LRP1B: variants seen among roughly 807,000 people sequenced by gnomAD.
The protein encoded by LRP1B is low-density lipoprotein receptor-related protein 1B.
LRP1B carries 217 observed loss-of-function variants against 556.6 expected under a neutral mutation model. The observed-to-expected ratio is 0.39, with a 90% CI of 0.35 to 0.44. The LOEUF is 0.44. Among genes scored for constraint, LRP1B ranks in the 20% least tolerant of loss-of-function variants. The pLI is 1.00. For synonymous variants in LRP1B, 2,047 were observed against 1,865.8 expected (o/e 1.10, Z -2.50); for missense variants, 5,053 against 5,620.8 (o/e 0.90, Z 3.23).
At chr2:141,114,984 C>T (rs1922696) in intron 7 of LRP1B, among the ~76,000 whole-genome samples, 137,230 of 152,116 alleles carry the variant, frequency 0.9, 62,255 homozygotes, top group East Asian at 0.99. Flanking sequence ...CTTGTAGTAA[C>T]GTACACTCCT....
chr2:140,252,399 TATCTAAC>T (rs1196918241), intron 86 of LRP1B, among the ~76,000 whole-genome samples: 10 of 151,960 alleles, frequency 6.6e-5, no homozygotes, highest in Non-Finnish European at 1.5e-4. Context: ...AATGTACTCA[TATCTAAC>T]TTCTATAAGA....
At chr2:142,023,506 G>A (rs1323846316) in intron 1 of LRP1B, among the ~76,000 whole-genome samples, 1 of 152,104 alleles carries the variant, frequency 6.6e-6, no homozygotes, top group Non-Finnish European at 1.5e-5. Context: ...GCAAAACACG[G>A]TAAATGTGTT....
chr2:141,463,922 G>T (rs1008783555), intron 3 of LRP1B, among the ~76,000 whole-genome samples: 4 of 148,232 alleles, frequency 2.7e-5, no homozygotes, highest in African/African-American at 1.0e-4. Context: ...GATTTTGGGG[G>T]GCCATAAAAT....
intron 2 of LRP1B, among the ~76,000 whole-genome samples, chr2:141,711,197 C>A (rs1692342181): frequency 6.6e-6 from 1 of 152,098 alleles, no homozygotes; most frequent in Admixed American, 6.6e-5. Flanking sequence ...TATGGGTGGT[C>A]CCTGGTACCA....
chr2:141,985,775 G>A (rs1702170407), intron 1 of LRP1B, among the ~76,000 whole-genome samples: 1 of 151,792 alleles, frequency 6.6e-6, no homozygotes. Context: ...AAGCAATTAA[G>A]CTTCAGTTTG....
chr2:140,475,725 A>G (rs1687949033), intron 59 of LRP1B, among the ~76,000 whole-genome samples: 1 of 151,782 alleles, frequency 6.6e-6, no homozygotes, highest in Non-Finnish European at 1.5e-5. Flanking sequence ...ATCTATGAAA[A>G]ATTCAAAAGG....
At chr2:141,909,524 ACATTTTTTTTTTTTTTTTT>A (rs1180271102) in intron 1 of LRP1B, among the ~76,000 whole-genome samples, 3 of 104,486 alleles carry the variant, frequency 2.9e-5, no homozygotes, top group African/African-American at 3.5e-5. Context: ...AAGGTCTCAG[ACATTTTTTTTTTTTTTTTT>A]TTTTTTTTTT....
intron 83 of LRP1B, 90 bp from the exon 84 acceptor site, chr2:140,298,059 C>T (rs1683678218): frequency 2.4e-6 from 3 of 1,261,202 alleles, no homozygotes; most frequent in Non-Finnish European, 3.3e-6. Flanking sequence ...GTTGAGAAGC[C>T]AGGTTTCTGG....
At chr2:141,922,046 G>C (rs552184989) in intron 1 of LRP1B, among the ~76,000 whole-genome samples, 1 of 152,080 alleles carries the variant, frequency 6.6e-6, no homozygotes, top group South Asian at 2.1e-4. Flanking sequence ...TAAATATTAA[G>C]AAAAAGGTAT....
chr2:141,017,201 T>C (rs1328992976), intron 12 of LRP1B, among the ~76,000 whole-genome samples: 1 of 31,400 alleles, frequency 3.2e-5, no homozygotes, highest in East Asian at 1.1e-3. Flanking sequence ...GTCATTCTAT[T>C]TGCTGTAATT....
intron 3 of LRP1B, among the ~76,000 whole-genome samples, chr2:141,417,272 T>A (rs1404133483): frequency 6.6e-6 from 1 of 152,184 alleles, no homozygotes; most frequent in Non-Finnish European, 1.5e-5. Flanking sequence ...TAACAAATTG[T>A]TAAATGTATA....
intron 2 of LRP1B, among the ~76,000 whole-genome samples, chr2:141,797,507 T>C (rs1695864609): frequency 6.6e-6 from 1 of 151,954 alleles, no homozygotes; most frequent in South Asian, 2.1e-4. Flanking sequence ...AGTGCAAAGT[T>C]CAAATTTATC....
chr2:140,587,826 C>A (rs1025767760), intron 43 of LRP1B, among the ~76,000 whole-genome samples: 1 of 151,866 alleles, frequency 6.6e-6, no homozygotes, highest in East Asian at 1.9e-4. Flanking sequence ...AGACAAGAAG[C>A]AAATCTTAAT....
intron 1 of LRP1B, among the ~76,000 whole-genome samples, chr2:142,095,350 A>G (rs1706322948): frequency 6.6e-6 from 1 of 151,788 alleles, no homozygotes; most frequent in Non-Finnish European, 1.5e-5. Flanking sequence ...AAGTAAATTG[A>G]TTTCAAGGGA....
At chr2:140,947,152 C>A (rs574235747) in intron 20 of LRP1B, among the ~76,000 whole-genome samples, 1 of 151,918 alleles carries the variant, frequency 6.6e-6, no homozygotes, top group Non-Finnish European at 1.5e-5. Context: ...TGCAAAAGTA[C>A]CCCCCGAATC....
chr2:140,987,095 T>C lies in LRP1B; in HGVS notation c.2770+2437A>G, dbSNP rs72991749. Among the ~76,000 whole-genome samples the C allele has an allele frequency of 7.4e-3, 1,127 of 152,328 alleles. 17 individuals are homozygous for C. Among genetic ancestry groups the C allele is most frequent in the African/African-American group, 0.026 (1,088 of 41,592 alleles). On this transcript the variant is annotated intron_variant, in intron 17 of 90. Transcript: ENST00000389484. ...TGGTAAGCTATGTGACCTATTTATA[T>C]ATTTTGATGAAGTGAAATGGAGGTA...
intron 15 of LRP1B, among the ~76,000 whole-genome samples, chr2:140,998,579 A>T (rs1381240064): frequency 6.6e-6 from 1 of 152,076 alleles, no homozygotes; most frequent in Non-Finnish European, 1.5e-5. Context: ...GGATTTGACC[A>T]TGACGGACAA....
At chr2:141,188,353 G>T in intron 7 of LRP1B, 68 bp downstream of exon 7, 2 of 1,448,334 alleles carry the variant, frequency 1.4e-6, no homozygotes, top group South Asian at 1.2e-5. Context: ...AACAACACTT[G>T]TCATACTTCA....
chr2:141,378,549 C>A (rs572589168), intron 3 of LRP1B, among the ~76,000 whole-genome samples: 1 of 152,090 alleles, frequency 6.6e-6, no homozygotes, highest in Non-Finnish European at 1.5e-5. Context: ...GCCTGTTGTA[C>A]CAGCTACTCA....
Sources: gnomAD v4.1 joint callset for allele counts (sites outside exome capture counted in the v4.1 genomes callset) on GRCh38, gnomAD v4.1.1 for gene constraint, MANE v1.5 for transcripts, NCBI Gene and HGNC (gene_info 2026-07-23, HGNC 2026-07-21) for gene names.